CACNA2D3: variants seen among roughly 807,000 people sequenced by gnomAD.
The protein encoded by CACNA2D3 is voltage-dependent calcium channel subunit alpha-2/delta-3.
In CACNA2D3, 60 loss-of-function variants were observed where a neutral mutation model predicts 160.6. That is an observed-to-expected ratio of 0.37 (90% confidence interval 0.30 to 0.46). CACNA2D3 has a LOEUF of 0.46. Among genes scored for constraint, CACNA2D3 ranks in the 20% least tolerant of loss-of-function variants. The pLI is 1.00. For synonymous variants in CACNA2D3, 558 were observed against 492.9 expected (o/e 1.13, Z -1.75); for missense variants, 1,205 against 1,365.0 (o/e 0.88, Z 1.85).
chr3:55,029,447 T>G (rs1703637659), intron 35 of CACNA2D3, among the ~76,000 whole-genome samples: 1 of 152,214 alleles, frequency 6.6e-6, no homozygotes, highest in South Asian at 2.1e-4. Flanking sequence ...GACATTTTTA[T>G]GGAGCACAGT....
At chr3:54,443,909 A>T (rs539442158) in intron 4 of CACNA2D3, among the ~76,000 whole-genome samples, 15 of 152,164 alleles carry the variant, frequency 9.9e-5, no homozygotes, top group African/African-American at 3.6e-4. Flanking sequence ...TGGGAAGGGC[A>T]TGGGGAGGAT....
intron 29 of CACNA2D3, among the ~76,000 whole-genome samples, chr3:54,983,223 A>C (rs1003495627): frequency 6.6e-6 from 1 of 152,242 alleles, no homozygotes; most frequent in Admixed American, 6.5e-5. Flanking sequence ...AATGTCCAAA[A>C]GTGTAGTCAC....
At chr3:54,189,246 C>T (rs938726926) in intron 2 of CACNA2D3, among the ~76,000 whole-genome samples, 1 of 152,114 alleles carries the variant, frequency 6.6e-6, no homozygotes, top group Non-Finnish European at 1.5e-5. Context: ...GTCATATTTG[C>T]TTGGATAGTC....
chr3:54,224,874 T>C (rs1299545461), intron 2 of CACNA2D3, among the ~76,000 whole-genome samples: 1 of 151,286 alleles, frequency 6.6e-6, no homozygotes, highest in African/African-American at 2.4e-5. Flanking sequence ...GTGGTACTAA[T>C]GTCAGTTAAA....
chr3:54,495,500 G>T (rs1452038772), intron 4 of CACNA2D3, among the ~76,000 whole-genome samples: 1 of 152,172 alleles, frequency 6.6e-6, no homozygotes, highest in East Asian at 1.9e-4. Flanking sequence ...TGTAATCCCA[G>T]CACTTTGGGA....
intron 20 of CACNA2D3, 27 bp from the exon 21 acceptor site, chr3:54,880,769 C>T (rs944878689): frequency 1.0e-5 from 16 of 1,601,460 alleles, no homozygotes; most frequent in Non-Finnish European, 1.4e-5. Context: ...CCAGGGATTT[C>T]AAGATTTGCT....
chr3:54,139,835 C>T (rs909547903), intron 2 of CACNA2D3, among the ~76,000 whole-genome samples: 1 of 152,172 alleles, frequency 6.6e-6, no homozygotes, highest in African/African-American at 2.4e-5. Flanking sequence ...GCTGAGTTCT[C>T]TCTGGGGATG....
chr3:54,588,940 T>A (rs1702811206), intron 9 of CACNA2D3, among the ~76,000 whole-genome samples: 2 of 151,528 alleles, frequency 1.3e-5, no homozygotes, highest in African/African-American at 4.8e-5. Context: ...GTAGGTTTAA[T>A]TTAATATGTA....
intron 27 of CACNA2D3, among the ~76,000 whole-genome samples, chr3:54,914,341 C>CA (rs1457234078): frequency 6.6e-6 from 1 of 152,156 alleles, no homozygotes; most frequent in Non-Finnish European, 1.5e-5. Flanking sequence ...GATCTATTAG[C>CA]AATGTCTGCA....
intron 29 of CACNA2D3, among the ~76,000 whole-genome samples, chr3:54,976,131 C>T (rs1424700270): frequency 6.6e-6 from 1 of 151,748 alleles, no homozygotes; most frequent in East Asian, 1.9e-4. Context: ...CAAGCAAAGC[C>T]TTCCATGAGC....
rs142765022 is a variant in CACNA2D3, at chr3:54,824,760, C to T, written c.1398+7890C>T. Among the ~76,000 whole-genome samples the T allele has an allele frequency of 1.5e-3, 232 of 152,306 alleles. 1 individual carries two copies. The highest frequency in any genetic ancestry group is 5.1e-3 in the African/African-American group (214 of 41,566). The stretch of plus-strand genomic sequence containing the variant: ...GAGCAGCACCTGCTCAGGGCCCATC[C>T]ACGCCACATGCTCAATGAGGGGTAG... On this transcript the variant is annotated intron_variant, in intron 14 of 37. Transcript: ENST00000474759.
chr3:54,449,930 A>T (rs907860987), intron 4 of CACNA2D3, among the ~76,000 whole-genome samples: 8 of 152,230 alleles, frequency 5.3e-5, no homozygotes, highest in African/African-American at 1.9e-4. Flanking sequence ...ATATGTCCAC[A>T]ATCTCTACTA....
At chr3:54,187,798 C>T (rs1003648187) in intron 2 of CACNA2D3, among the ~76,000 whole-genome samples, 2 of 152,146 alleles carry the variant, frequency 1.3e-5, no homozygotes, top group Non-Finnish European at 2.9e-5. Flanking sequence ...CAATAGGGCT[C>T]ATGCTGCTAT....
chr3:54,176,295 A>G (rs1700676874), intron 2 of CACNA2D3, among the ~76,000 whole-genome samples: 1 of 152,186 alleles, frequency 6.6e-6, no homozygotes, highest in Non-Finnish European at 1.5e-5. Context: ...GCTTAGTTTC[A>G]AATTTCCCTT....
At chr3:55,015,304 A>C (rs1703305153) in intron 34 of CACNA2D3, among the ~76,000 whole-genome samples, 1 of 152,212 alleles carries the variant, frequency 6.6e-6, no homozygotes, top group Admixed American at 6.5e-5. Flanking sequence ...TCAGTGGATG[A>C]ATTTGGGCAA....
chr3:54,388,288 A>G (rs773850861), intron 4 of CACNA2D3, among the ~76,000 whole-genome samples: 5 of 152,180 alleles, frequency 3.3e-5, no homozygotes, highest in Non-Finnish European at 7.3e-5. Context: ...ATTTGGGATA[A>G]TGATACCCAA....
chr3:54,651,779 G>A (rs771015505), intron 11 of CACNA2D3, among the ~76,000 whole-genome samples: 1 of 152,078 alleles, frequency 6.6e-6, no homozygotes, highest in Non-Finnish European at 1.5e-5. Flanking sequence ...TAGCTTTACC[G>A]TGGCGCCTCT....
At chr3:55,020,845 G>C (rs1436241440) in intron 35 of CACNA2D3, among the ~76,000 whole-genome samples, 1 of 147,452 alleles carries the variant, frequency 6.8e-6, no homozygotes, top group Non-Finnish European at 1.5e-5. Context: ...GCTAGATTCC[G>C]TCTCAAAAAA....
chr3:54,497,270 T>A (rs11914532), intron 4 of CACNA2D3, among the ~76,000 whole-genome samples: 11,620 of 84,650 alleles, frequency 0.14, 582 homozygotes, highest in Middle Eastern at 0.23. Flanking sequence ...TAAGTCTTCT[T>A]TAAGTTCAAA....
Sources: gnomAD v4.1 joint callset for allele counts (sites outside exome capture counted in the v4.1 genomes callset) on GRCh38, gnomAD v4.1.1 for gene constraint, MANE v1.5 for transcripts, NCBI Gene and HGNC (gene_info 2026-07-23, HGNC 2026-07-21) for gene names.